Variants in SRPK2 observed in about 807,000 individuals in gnomAD.
SRPK2 encodes SFRS protein kinase 2.
SRPK2 carries 21 observed loss-of-function variants against 90.8 expected under a neutral mutation model. The ratio of observed to expected loss-of-function variants is 0.23; its 90% CI spans 0.16 to 0.33. SRPK2 has a LOEUF of 0.33. Among genes scored for constraint, SRPK2 ranks in the 10% least tolerant of loss-of-function variants. The pLI is 1.00. For synonymous variants in SRPK2, 288 were observed against 311.1 expected, an observed-to-expected ratio of 0.93 and a Z score of 0.78; for missense variants, 620 against 869.0, an observed-to-expected ratio of 0.71 and a Z score of 3.60.
intron 2 of SRPK2, among the ~76,000 whole-genome samples, chr7:105,296,459 C>T (rs1437759119): frequency 1.3e-5 from 2 of 152,060 alleles, no homozygotes; most frequent in African/African-American, 4.8e-5. Flanking sequence ...CAAATTATTT[C>T]CAGTTAGTGT....
intron 2 of SRPK2, among the ~76,000 whole-genome samples, chr7:105,348,884 C>T (rs939765471): frequency 6.6e-6 from 1 of 151,926 alleles, no homozygotes; most frequent in Non-Finnish European, 1.5e-5. Flanking sequence ...CAGTGGCTCA[C>T]GCCGTAATCC....
At chr7:105,208,822 T>C (rs542657165) in intron 2 of SRPK2, among the ~76,000 whole-genome samples, 21 of 152,206 alleles carry the variant, frequency 1.4e-4, no homozygotes, top group South Asian at 6.2e-4. Context: ...CAAAAAGCTA[T>C]TGTTAAAAAA....
chr7:105,268,203 T>C (rs528505972), intron 2 of SRPK2, among the ~76,000 whole-genome samples: 7 of 152,352 alleles, frequency 4.6e-5, no homozygotes, highest in Non-Finnish European at 8.8e-5. Context: ...CTGAGTCATT[T>C]TGTCCTTACC....
chr7:105,115,236 G>A (rs1376728124), downstream of SRPK2: 1 of 152,132 alleles, frequency 6.6e-6, no homozygotes, highest in Non-Finnish European at 1.5e-5. Flanking sequence ...CCTGAACTAT[G>A]GATAGAAACT....
At chr7:105,300,126 ATCTGTAGGCCCCGCTAC>A (rs1358137517) in intron 2 of SRPK2, among the ~76,000 whole-genome samples, 1 of 151,664 alleles carries the variant, frequency 6.6e-6, no homozygotes, top group African/African-American at 2.4e-5. Context: ...CATGGCGTGC[ATCTGTAGGCCCCGCTAC>A]TCAGGAGGGT....
At chr7:105,379,298 A>C (rs971598737) in intron 2 of SRPK2, among the ~76,000 whole-genome samples, 2 of 152,150 alleles carry the variant, frequency 1.3e-5, no homozygotes, top group South Asian at 2.1e-4. Flanking sequence ...ACCATGTAAC[A>C]ACCATTGACA....
At chr7:105,335,651 T>C (rs1004306937) in intron 2 of SRPK2, among the ~76,000 whole-genome samples, 3 of 114,940 alleles carry the variant, frequency 2.6e-5, no homozygotes, top group Non-Finnish European at 3.7e-5. Context: ...GACCATCTTT[T>C]AAAAAAAAAA....
intron 3 of SRPK2, among the ~76,000 whole-genome samples, chr7:105,181,230 G>C (rs1227843531): frequency 6.6e-6 from 1 of 152,208 alleles, no homozygotes; most frequent in Non-Finnish European, 1.5e-5. Flanking sequence ...ATGTTGTCAA[G>C]GTTGTGGAGA....
intron 2 of SRPK2, among the ~76,000 whole-genome samples, chr7:105,293,212 T>C (rs925451791): frequency 1.3e-5 from 2 of 151,698 alleles, no homozygotes; most frequent in Non-Finnish European, 2.9e-5. Context: ...GCAAGATAAC[T>C]GCTTGAACCA....
intron 2 of SRPK2, among the ~76,000 whole-genome samples, chr7:105,341,383 G>GAAAAAAA (rs1815772446): frequency 4.4e-5 from 1 of 22,534 alleles, no homozygotes; most frequent in African/African-American, 1.8e-4. Flanking sequence ...AAAAAAAAAG[G>GAAAAAAA]GGGAATGTGG....
Position 105,193,847 on chromosome 7 carries a change from T to C in SRPK2, c.229+9781A>G, listed in dbSNP as rs1181411852. Among the ~76,000 whole-genome samples, 6 of 152,326 alleles carry C rather than the reference T, an allele frequency of 3.9e-5. No homozygotes were observed. The East Asian group carries it at 9.6e-4, about 24-fold the overall frequency. ...TCCAGATGTAACTAGCTACTATCAA[T>C]GTTTTTTAAAATTCAGATATTTACA... On this transcript the variant is annotated intron_variant, in intron 3 of 15. Transcript: ENST00000393651.
intron 7 of SRPK2, among the ~76,000 whole-genome samples, chr7:105,159,466 A>AAAAAAAAAAAAAAAAAAAAAAAC (rs1316365933): frequency 1.7e-3 from 194 of 114,272 alleles, no homozygotes; most frequent in Non-Finnish European, 2.7e-3. Flanking sequence ...AAAAAAAAAA[A>AAAAAAAAAAAAAAAAAAAAAAAC]AAAAAAACCG....
chr7:105,185,128 TA>T (rs1277965931), intron 3 of SRPK2, among the ~76,000 whole-genome samples: 1 of 152,096 alleles, frequency 6.6e-6, no homozygotes, highest in Non-Finnish European at 1.5e-5. Flanking sequence ...ATGTATAATA[TA>T]TTGAATTATG....
At chr7:105,361,807 C>G (rs974630321) in intron 2 of SRPK2, among the ~76,000 whole-genome samples, 3 of 152,090 alleles carry the variant, frequency 2.0e-5, no homozygotes, top group African/African-American at 7.2e-5. Context: ...TTCCTTACAC[C>G]TTATACAAAA....
intron 2 of SRPK2, among the ~76,000 whole-genome samples, chr7:105,385,102 G>C (rs1313005639): frequency 6.7e-6 from 1 of 148,594 alleles, no homozygotes. Context: ...TCGATCTCCT[G>C]ACCTCGTGAT....
At chr7:105,287,133 C>T (rs1232588674) in intron 2 of SRPK2, among the ~76,000 whole-genome samples, 4 of 149,388 alleles carry the variant, frequency 2.7e-5, no homozygotes, top group Admixed American at 6.6e-5. Flanking sequence ...TAGTGGCGGG[C>T]GCCTGTAGTC....
Position 105,183,155 on chromosome 7 carries a change from T to C in SRPK2, c.230-13890A>G, listed in dbSNP as rs3801286. Reference sequence around the variant, plus strand: ...TTTAAATACAAATAAGGATCTCTTATGTTTTTATGACTAATCATCTTTTTT... The same window carrying C: ...TTTAAATACAAATAAGGATCTCTTACGTTTTTATGACTAATCATCTTTTTT... On this transcript the variant is annotated intron_variant, in intron 3 of 15. Coordinates refer to ENST00000393651, the MANE Select transcript of SRPK2 (RefSeq NM_182692.3). 3.1e-3 allele frequency among the ~76,000 whole-genome samples: 470 copies of C among 152,364 alleles called. 14 individuals are homozygous for C. The East Asian group carries it at 0.063, about 20-fold the overall frequency.
intron 2 of SRPK2, among the ~76,000 whole-genome samples, chr7:105,365,125 G>A (rs1367727802): frequency 6.6e-6 from 1 of 152,040 alleles, no homozygotes; most frequent in Non-Finnish European, 1.5e-5. Context: ...CTTACAAATT[G>A]GATTAATGTC....
intron 2 of SRPK2, among the ~76,000 whole-genome samples, chr7:105,220,884 T>A (rs1798015224): frequency 6.6e-6 from 1 of 152,174 alleles, no homozygotes; most frequent in African/African-American, 2.4e-5. Context: ...AATAGTCTAA[T>A]CCTTTCAAAA....
Sources: gnomAD v4.1 joint callset for allele counts (sites outside exome capture counted in the v4.1 genomes callset) on GRCh38, gnomAD v4.1.1 for gene constraint, MANE v1.5 for transcripts, NCBI Gene and HGNC (gene_info 2026-07-23, HGNC 2026-07-21) for gene names.